Variants in DOCK10 observed in about 807,000 individuals in gnomAD.
DOCK10 encodes dedicator of cytokinesis 10.
A neutral mutation model predicts 280.1 loss-of-function variants in DOCK10; 145 were observed. The ratio of observed to expected loss-of-function variants is 0.52; its 90% CI spans 0.45 to 0.59. The LOEUF is 0.59. Among genes scored for constraint, DOCK10 ranks in the 20% least tolerant of loss-of-function variants. The pLI is 0.00. For missense variants in DOCK10, 2,368 were observed against 2,651.7 expected, an observed-to-expected ratio of 0.89 and a Z score of 2.35; for synonymous variants, 915 against 942.2, an observed-to-expected ratio of 0.97 and a Z score of 0.53.
At chr2:224,964,572 AT>A (rs1446904719) in intron 1 of DOCK10, among the ~76,000 whole-genome samples, 1 of 151,776 alleles carries the variant, frequency 6.6e-6, no homozygotes, top group East Asian at 1.9e-4. Context: ...TGGCATCATT[AT>A]AGCTCACTGC....
rs375613133 is a variant in DOCK10, at chr2:224,886,431, A to G, written c.489+28T>C. 2.0e-5 allele frequency: 31 copies of G among 1,588,788 alleles called. No individual in the cohort carries two copies. The Admixed American group carries it at 2.4e-4, about 12-fold the overall frequency. The stretch of plus-strand genomic sequence containing the variant: ...AGAAACTAATTATCCTCATGTTTTA[A>G]ACATCTCACTTTCAACTATTTACTT... On this transcript the variant is annotated intron_variant, in intron 5 of 55. Coordinates refer to ENST00000258390, the MANE Select transcript of DOCK10 (RefSeq NM_014689.3).
In DOCK10 at chr2:224,845,560, G is replaced by T. The variant is rs766242928; in HGVS notation, c.2318C>A (p.Ala773Glu). 7.4e-6 allele frequency: 12 copies of T among 1,613,382 alleles called. No homozygotes were observed. Among genetic ancestry groups the T allele is most frequent in the Non-Finnish European group, 1.0e-5 (12 of 1,179,742 alleles). The change falls in exon 20 of 56, where the codon GCA becomes GAA. Residue 773 changes from alanine to glutamate, a missense_variant. Around this residue, in one of 2 missense-constraint regions of DOCK10, gnomAD observed 1,209 missense variants for 1,250.9 expected, o/e 0.97. Coordinates refer to ENST00000258390, the MANE Select transcript of DOCK10 (RefSeq NM_014689.3). ...CTCCTTCTTTTTGGCATTAGCTTTT[G>T]CATTGATGTCACAGGTGACGTGATA... ...SFYHVTCDIN[A>E]KANAKKKEAL...
chr2:224,898,181 G>A (rs1252337303), intron 3 of DOCK10, among the ~76,000 whole-genome samples: 1 of 152,202 alleles, frequency 6.6e-6, no homozygotes, highest in Non-Finnish European at 1.5e-5. Flanking sequence ...GAGAACACAT[G>A]TTCCAGGCAA....
At chr2:224,994,546 T>G (rs1706214960) in intron 1 of DOCK10, among the ~76,000 whole-genome samples, 1 of 152,212 alleles carries the variant, frequency 6.6e-6, no homozygotes, top group Non-Finnish European at 1.5e-5. Flanking sequence ...CACTAAAACA[T>G]TGTCACAACA....
chr2:224,901,623 G>C (rs915409417), intron 3 of DOCK10, among the ~76,000 whole-genome samples: 1 of 152,218 alleles, frequency 6.6e-6, no homozygotes, highest in Non-Finnish European at 1.5e-5. Context: ...CCTTGGAGTG[G>C]ATAATTAAAA....
chr2:225,037,424 T>C (rs1690290133), intron 1 of DOCK10, among the ~76,000 whole-genome samples: 1 of 152,156 alleles, frequency 6.6e-6, no homozygotes, highest in Non-Finnish European at 1.5e-5. Flanking sequence ...AACTGCATCT[T>C]GGATAGATCA....
At chr2:224,969,665 G>C (rs1352992096) in intron 1 of DOCK10, among the ~76,000 whole-genome samples, 1 of 152,166 alleles carries the variant, frequency 6.6e-6, no homozygotes, top group African/African-American at 2.4e-5. Context: ...AGAAATAGAT[G>C]CATGTAATCT....
chr2:224,859,886 T>C (rs1033054065), intron 14 of DOCK10, among the ~76,000 whole-genome samples: 2 of 152,220 alleles, frequency 1.3e-5, no homozygotes, highest in African/African-American at 2.4e-5. Context: ...AGTTTCCACA[T>C]TGTGAAAGAG....
intron 3 of DOCK10, among the ~76,000 whole-genome samples, chr2:224,914,850 A>C (rs1188799527): frequency 6.6e-6 from 1 of 152,192 alleles, no homozygotes; most frequent in African/African-American, 2.4e-5. Flanking sequence ...GTTTACGCCT[A>C]CACACCTAAG....
At chr2:224,885,911 A>G in intron 6 of DOCK10, 106 bp from the exon 7 acceptor site, 1 of 1,509,342 alleles carries the variant, frequency 6.6e-7, no homozygotes, top group Non-Finnish European at 8.9e-7. Context: ...TTTCTAGGAC[A>G]TTTTTCTAGA....
intron 17 of DOCK10, 118 bp downstream of exon 17, chr2:224,852,817 G>A (rs1051313953): frequency 1.2e-5 from 10 of 854,266 alleles, no homozygotes; most frequent in African/African-American, 6.8e-5. Flanking sequence ...TTCTCCAAAC[G>A]GTTTTCTATG....
chr2:225,018,336 C>T (rs1044389982), intron 1 of DOCK10, among the ~76,000 whole-genome samples: 5 of 151,540 alleles, frequency 3.3e-5, no homozygotes, highest in Non-Finnish European at 7.4e-5. Context: ...CCTTGCAGGA[C>T]TGAAATAGGG....
chr2:224,919,283 G>A (rs573761407), intron 2 of DOCK10, among the ~76,000 whole-genome samples: 16 of 149,886 alleles, frequency 1.1e-4, no homozygotes, highest in South Asian at 8.5e-4. Context: ...GCATGTGTAT[G>A]TCTGTACACA....
At chr2:224,773,374 T>C (rs1574789047) in intron 52 of DOCK10, 27 bp from the exon 53 acceptor site, 1 of 1,587,462 alleles carries the variant, frequency 6.3e-7, no homozygotes, top group Admixed American at 1.7e-5. Context: ...CAAAGGGATT[T>C]CAAGGTTGAG....
chr2:224,827,234 G>C (rs1694927167), intron 27 of DOCK10, among the ~76,000 whole-genome samples: 1 of 149,200 alleles, frequency 6.7e-6, no homozygotes, highest in African/African-American at 2.5e-5. Context: ...CTGCACTCCA[G>C]TGTGGGCGAC....
In DOCK10 at chr2:224,787,023, T is replaced by C; in HGVS notation, c.5654A>G (p.Gln1885Arg). ...GRYYRVAFYG[Q>R]GFFEEEEGKE... ...CCGTGTTATTTCTGGTGAACTTACC[T>C]GCCCATAAAATGCCACACGATAGTA... The change falls in exon 50 of 56, where the codon CAG becomes CGG. Residue 1885 changes from glutamine to arginine, a missense_variant and splice_region_variant. By Grantham distance (43) the Gln-to-Arg change is conservative. Coordinates refer to ENST00000258390, the MANE Select transcript of DOCK10 (RefSeq NM_014689.3). The C allele has an allele frequency of 6.2e-7, 1 of 1,611,782 alleles. No individual in the cohort carries two copies. The highest frequency in any genetic ancestry group is 8.5e-7 in the Non-Finnish European group (1 of 1,177,866).
intron 31 of DOCK10, 148 bp downstream of exon 31, chr2:224,814,172 A>C: frequency 2.3e-6 from 1 of 433,670 alleles, no homozygotes; most frequent in Non-Finnish European, 4.0e-6. Flanking sequence ...GTGACAAGCA[A>C]ACAATTCAGT....
intron 6 of DOCK10, 79 bp from the exon 7 acceptor site, chr2:224,885,884 C>G (rs551031600): frequency 6.6e-7 from 1 of 1,521,366 alleles, no homozygotes; most frequent in Non-Finnish European, 8.9e-7. Context: ...TATTCTAATT[C>G]CTTCAGGAGT....
chr2:224,992,902 G>A (rs1706167251), intron 1 of DOCK10, among the ~76,000 whole-genome samples: 1 of 152,192 alleles, frequency 6.6e-6, no homozygotes, highest in African/African-American at 2.4e-5. Flanking sequence ...GAACACCAAT[G>A]ACCAGTGGCT....
Sources: gnomAD v4.1 joint callset for allele counts (sites outside exome capture counted in the v4.1 genomes callset) on GRCh38, gnomAD v4.1.1 for gene constraint, gnomAD v4.1.1 regional missense constraint, MANE v1.5 for transcripts, NCBI Gene and HGNC (gene_info 2026-07-23, HGNC 2026-07-21) for gene names.